EEPD1: variants seen among roughly 807,000 people sequenced by gnomAD.
EEPD1 encodes the protein endonuclease/exonuclease/phosphatase family domain containing 1.
EEPD1 carries 17 observed loss-of-function variants against 46.3 expected under a neutral mutation model. That is an observed-to-expected ratio of 0.37 (90% CI 0.25 to 0.55). EEPD1 has a LOEUF of 0.55. EEPD1 is among the 20% of genes least tolerant of loss of function. EEPD1 has a pLI of 0.83. For synonymous variants in EEPD1, 313 were observed against 315.6 expected, an observed-to-expected ratio of 0.99 and a Z score of 0.09; for missense variants, 673 against 745.6, an observed-to-expected ratio of 0.90 and a Z score of 1.13.
At chr7:36,186,036 T>C (rs1785355230) in intron 2 of EEPD1, among the ~76,000 whole-genome samples, 1 of 152,206 alleles carries the variant, frequency 6.6e-6, no homozygotes, top group African/African-American at 2.4e-5. Context: ...TTTCTGGAAC[T>C]TATATTTCTT....
At chr7:36,192,922 C>T (rs995229760) in intron 2 of EEPD1, among the ~76,000 whole-genome samples, 1 of 152,168 alleles carries the variant, frequency 6.6e-6, no homozygotes. Context: ...GATCTCCGGA[C>T]CAGGTGGAAG....
At chr7:36,278,827 G>T (rs1787218506) in intron 3 of EEPD1, among the ~76,000 whole-genome samples, 1 of 152,156 alleles carries the variant, frequency 6.6e-6, no homozygotes, top group African/African-American at 2.4e-5. Flanking sequence ...GGAGCATCTG[G>T]CCAGGGGGAC....
intron 3 of EEPD1, among the ~76,000 whole-genome samples, chr7:36,259,167 G>A (rs1334781943): frequency 6.6e-6 from 1 of 152,166 alleles, no homozygotes; most frequent in African/African-American, 2.4e-5. Context: ...CCCTCCGTGG[G>A]CTGCACCCAC....
At chr7:36,273,430 C>T (rs1787141015) in intron 3 of EEPD1, among the ~76,000 whole-genome samples, 1 of 152,026 alleles carries the variant, frequency 6.6e-6, no homozygotes, top group Admixed American at 6.6e-5. Context: ...TTCTTGGCCA[C>T]CTGTGTCTTC....
chr7:36,205,873 A>G (rs1785807006), intron 2 of EEPD1, among the ~76,000 whole-genome samples: 1 of 152,148 alleles, frequency 6.6e-6, no homozygotes. Context: ...AAAACCCCAT[A>G]GAAACTCTCT....
At chr7:36,190,370 TCAAA>T (rs1785441182) in intron 2 of EEPD1, among the ~76,000 whole-genome samples, 2 of 152,174 alleles carry the variant, frequency 1.3e-5, no homozygotes, top group South Asian at 2.1e-4. Flanking sequence ...AGACCCTGTC[TCAAA>T]CAAACAAATA....
chr7:36,231,723 C>A (rs181832562), intron 2 of EEPD1, among the ~76,000 whole-genome samples: 27 of 152,140 alleles, frequency 1.8e-4, no homozygotes, highest in Non-Finnish European at 3.4e-4. Context: ...AGAAGAAAGG[C>A]GGGGAGGAAG....
Position 36,154,301 on chromosome 7 carries a change from C to T in EEPD1, c.-24C>T. 1 of 1,595,050 alleles carries T rather than the reference C, an allele frequency of 6.3e-7. No individual in the cohort carries two copies. Among genetic ancestry groups the T allele is most frequent in the Non-Finnish European group, 8.5e-7 (1 of 1,174,764 alleles). ...GCTCTTCTGCAGTGGTGCGGCCTTCCCGGGAGCCTGATCCTGGCGGACCAT... is the reference window on the plus strand; with the variant it reads ...GCTCTTCTGCAGTGGTGCGGCCTTCTCGGGAGCCTGATCCTGGCGGACCAT... On this transcript the variant is annotated 5_prime_UTR_variant, in exon 2 of 8. Coordinates refer to ENST00000242108, the MANE Select transcript of EEPD1 (RefSeq NM_030636.3). This position sits in a 1 kb window ranked among gnomAD's most constrained non-coding sequence, Gnocchi z 4.2.
rs1022597105 is a variant in EEPD1 at position 36,153,450 on chromosome 7, C to T, written c.-417C>T. 10 of 152,254 alleles carry T rather than the reference C, an allele frequency of 6.6e-5. No homozygotes were observed. The highest frequency in any genetic ancestry group is 2.6e-4 in the Admixed American group (4 of 15,288). 9.4% of individuals were successfully genotyped at this position (152,254 alleles called of 1,614,324 possible). A position where few individuals can be genotyped will look rare whatever the true frequency, so the allele number is the denominator to read the frequency against. On this transcript the variant is annotated 5_prime_UTR_variant, in exon 1 of 8. Coordinates refer to ENST00000242108, the MANE Select transcript of EEPD1 (RefSeq NM_030636.3). ...CCGCTGCCGCCGCCTCCGAGCAGCC[C>T]TGCGGCTTCTATTCACTCTGGGAGA...
intron 2 of EEPD1, among the ~76,000 whole-genome samples, chr7:36,181,206 T>A (rs1056074392): frequency 6.6e-5 from 10 of 152,046 alleles, no homozygotes; most frequent in African/African-American, 2.4e-4. Context: ...ATCTCATGAC[T>A]CTGTCCCATG....
intron 3 of EEPD1, among the ~76,000 whole-genome samples, chr7:36,263,344 G>C (rs553851132): frequency 6.6e-6 from 1 of 152,152 alleles, no homozygotes; most frequent in East Asian, 1.9e-4. Flanking sequence ...GGAGGGGGGG[G>C]AAAAAGCAGA....
chr7:36,181,801 G>T (rs56289531), intron 2 of EEPD1, among the ~76,000 whole-genome samples: 1,732 of 152,188 alleles, frequency 0.011, 14 homozygotes, highest in Middle Eastern at 0.037. Flanking sequence ...TTATTTTTAG[G>T]TCCCATGTCC....
intron 2 of EEPD1, among the ~76,000 whole-genome samples, chr7:36,210,827 C>G (rs969030654): frequency 1.3e-5 from 2 of 152,206 alleles, no homozygotes; most frequent in African/African-American, 4.8e-5. Context: ...CCCTGACCAC[C>G]CCATCTCCTA....
chr7:36,258,213 G>A (rs1422182677), intron 3 of EEPD1, among the ~76,000 whole-genome samples: 1 of 152,152 alleles, frequency 6.6e-6, no homozygotes, highest in African/African-American at 2.4e-5. Flanking sequence ...CTTCCCAGAG[G>A]GGCACCCACC....
chr7:36,259,142 T>G (rs1205255388), intron 3 of EEPD1, among the ~76,000 whole-genome samples: 1 of 152,148 alleles, frequency 6.6e-6, no homozygotes, highest in Non-Finnish European at 1.5e-5. Context: ...TGATACCCCA[T>G]CCTGGTTCAG....
At chr7:36,173,351 T>C (rs1380814057) in intron 2 of EEPD1, among the ~76,000 whole-genome samples, 1 of 133,208 alleles carries the variant, frequency 7.5e-6, no homozygotes, top group Non-Finnish European at 1.6e-5. Flanking sequence ...AAAAAAAACT[T>C]AGCTGGGTGT....
At chr7:36,202,618 T>C (rs1785733669) in intron 2 of EEPD1, among the ~76,000 whole-genome samples, 1 of 152,190 alleles carries the variant, frequency 6.6e-6, no homozygotes, top group African/African-American at 2.4e-5. Flanking sequence ...TCAGCTTGAT[T>C]CAGGTACTGA....
intron 2 of EEPD1, among the ~76,000 whole-genome samples, chr7:36,165,454 C>T (rs1011023876): frequency 9.8e-6 from 1 of 102,130 alleles, no homozygotes; most frequent in Non-Finnish European, 1.8e-5. Flanking sequence ...GAGCCTTGCT[C>T]TGTCACCCAG....
chr7:36,255,151 G>A (rs979818793), intron 3 of EEPD1, among the ~76,000 whole-genome samples: 16 of 151,864 alleles, frequency 1.1e-4, no homozygotes, highest in African/African-American at 7.3e-5. Context: ...ATTAGATCCC[G>A]TTTGTCAATT....
Sources: allele counts gnomAD v4.1 joint callset (sites outside exome capture counted in the v4.1 genomes callset), GRCh38; gene constraint gnomAD v4.1.1; non-coding constraint Gnocchi (gnomAD v3.1); transcripts MANE v1.5; gene names NCBI Gene and HGNC (gene_info 2026-07-23, HGNC 2026-07-21).